Variants in TNXB observed in about 807,000 individuals in gnomAD.
TNXB encodes the protein tenascin-X.
Under a neutral mutation model 340.5 loss-of-function variants are expected in TNXB, and 183 were observed. The observed-to-expected ratio is 0.54, with a 90% CI of 0.48 to 0.61. The LOEUF is 0.61. TNXB is among the 20% of genes least tolerant of loss of function. The probability of loss-of-function intolerance (pLI) is 0.00; values close to 1 mark genes in which losing one functional copy is unlikely to be tolerated. For missense variants in TNXB, 4,613 were observed against 5,446.4 expected (o/e 0.85, Z 4.82); for synonymous variants, 2,121 against 2,314.5 (o/e 0.92, Z 2.40).
rs1778422272 is a variant in TNXB, at chr6:32,067,180, A to AAAGAAAGAAAGAAAGG, written c.6544+480_6544+481insCCTTTCTTTCTTTCTT. Among the ~76,000 whole-genome samples the AAAGAAAGAAAGAAAGG allele has an allele frequency of 1.3e-5, 2 of 149,980 alleles. No homozygotes were observed. The highest frequency in any genetic ancestry group is 3.0e-5 in the Non-Finnish European group (2 of 67,468). ...GAAAGAAAGAAAGAAAGAAAGAAAG[A>AAAGAAAGAAAGAAAGG]AAGAAAACATTCTAGTGATTCTAGT... is the stretch of plus-strand genomic sequence containing the variant. On this transcript the variant is annotated intron_variant, in intron 18 of 43. Coordinates refer to ENST00000644971, the MANE Select transcript of TNXB (RefSeq NM_001365276.2). The surrounding 1 kb of genome is among the most constrained non-coding windows in gnomAD (Gnocchi z 4.2).
At chr6:32,086,735 C>T (rs531532991) in intron 6 of TNXB, among the ~76,000 whole-genome samples, 1 of 152,302 alleles carries the variant, frequency 6.6e-6, no homozygotes, top group African/African-American at 2.4e-5. Flanking sequence ...GCAGTGGTTT[C>T]ACCTCCCCAA....
Position 32,081,728 on chromosome 6 carries a change from TG to T in TNXB, c.3737-56del. The T allele has an allele frequency of 7.5e-7, 1 of 1,341,754 alleles. No individual in the cohort carries two copies. Among genetic ancestry groups the T allele is most frequent in the East Asian group, 3.1e-5 (1 of 31,876 alleles). 83.1% of individuals were successfully genotyped at this position (1,341,754 alleles called of 1,614,324 possible). On this transcript the variant is annotated intron_variant, in intron 9 of 43. Transcript: ENST00000644971. The surrounding 1 kb of genome is among the most constrained non-coding windows in gnomAD (Gnocchi z 5.1). Reference sequence around the variant, plus strand: ...GAACTGGCAGCCTGGGACTGGGGCTTGGGGTTTCGACGGGATGTCACACCTA... The same window carrying T: ...GAACTGGCAGCCTGGGACTGGGGCTTGGGTTTCGACGGGATGTCACACCTA...
chr6:32,087,386 C>G lies in TNXB; in HGVS notation c.2780-1268G>C, dbSNP rs191791016. On this transcript the variant is annotated intron_variant, in intron 6 of 43. Transcript: ENST00000644971. This position sits in a 1 kb window ranked among gnomAD's most constrained non-coding sequence, Gnocchi z 9.0. ...GTGGTGCCCGGCACAGTCAGCTCACCGCCGGGGCCCTCTGCAGGCGGCTGA... is the reference window on the plus strand; with the variant it reads ...GTGGTGCCCGGCACAGTCAGCTCACGGCCGGGGCCCTCTGCAGGCGGCTGA... 2.8e-5 allele frequency: 13 copies of G among 470,314 alleles called. No homozygotes were observed. The highest frequency in any genetic ancestry group is 4.2e-5 in the Non-Finnish European group (10 of 235,742). The allele number at this position is 470,314 out of a possible 1,614,324, so 29.1% of individuals were successfully genotyped here.
At position 32,094,942 on chromosome 6, in the gene TNXB, A is replaced by G. The variant is rs1455851366; in HGVS notation, c.2358+134T>C. 3 of 691,460 alleles carry G rather than the reference A, an allele frequency of 4.3e-6. No individual in the cohort carries two copies. In the African/African-American group the frequency reaches 5.3e-5, roughly 12 times the overall value. The allele number at this position is 691,460 out of a possible 1,614,324, so 42.8% of individuals were successfully genotyped here. ...TGCCCAGTGTCAAGCAGGCTAAGAA[A>G]GCCTTTACAGCAGCTTCAGGTACCC... On this transcript the variant is annotated intron_variant, in intron 4 of 43. Coordinates refer to ENST00000644971, the MANE Select transcript of TNXB (RefSeq NM_001365276.2).
At position 32,079,139 on chromosome 6, in the gene TNXB, A is replaced by G. The variant is rs1779286231; in HGVS notation, c.4269T>C (p.Ser1423=). 6.2e-7 allele frequency: 1 copy of G among 1,613,350 alleles called. No individual in the cohort carries two copies. The highest frequency in any genetic ancestry group is 8.5e-7 in the Non-Finnish European group (1 of 1,179,738). The change falls in exon 11 of 44, where the codon AGT becomes AGC. Residue 1423 remains serine (S), a synonymous_variant. Coordinates refer to ENST00000644971, the MANE Select transcript of TNXB (RefSeq NM_001365276.2). This position sits in a 1 kb window ranked among gnomAD's most constrained non-coding sequence, Gnocchi z 7.1. ...GCTCTAGGCCTCCCACGGTGACCTC[A>G]CTCTCCTTGCCCCCAACACGCACCG... is the stretch of plus-strand genomic sequence containing the variant. ...PRAVRVGGKE[S]EVTVGGLEPG...
At chr6:32,048,705 G>T in intron 28 of TNXB, 55 bp from the exon 29 acceptor site, 1 of 1,371,328 alleles carries the variant, frequency 7.3e-7, no homozygotes, top group African/African-American at 1.4e-5. Flanking sequence ...GCGCAAGGGA[G>T]GCAGTGCTCT....
chr6:32,079,395 T>C lies in TNXB; in HGVS notation c.4043-30A>G. On this transcript the variant is annotated intron_variant, in intron 10 of 43. Coordinates refer to ENST00000644971, the MANE Select transcript of TNXB (RefSeq NM_001365276.2). This position sits in a 1 kb window ranked among gnomAD's most constrained non-coding sequence, Gnocchi z 7.1. Reference sequence around the variant, plus strand: ...GAGAAGAGATAGAGGCATAAAGGGCTGCTGGCTTTGCTGCTGCTGCCCACA... The same window carrying C: ...GAGAAGAGATAGAGGCATAAAGGGCCGCTGGCTTTGCTGCTGCTGCCCACA... 6.5e-7 allele frequency: 1 copy of C among 1,527,050 alleles called. No individual in the cohort carries two copies. The highest frequency in any genetic ancestry group is 2.3e-5 in the East Asian group (1 of 44,026). The allele number at this position is 1,527,050 out of a possible 1,614,324, so 94.6% of individuals were successfully genotyped here.
intron 19 of TNXB, among the ~76,000 whole-genome samples, chr6:32,063,850 G>A (rs1014462346): frequency 6.6e-6 from 1 of 152,182 alleles, no homozygotes; most frequent in African/African-American, 2.4e-5. Context: ...AAAGAGCCGA[G>A]TTACAGGGTA....
At position 32,064,796 on chromosome 6, in the gene TNXB, GCCCAGTGC is replaced by G. The variant is rs1284132564; in HGVS notation, c.6841+17_6841+24del. On this transcript the variant is annotated intron_variant, in intron 19 of 43. Coordinates refer to ENST00000644971, the MANE Select transcript of TNXB (RefSeq NM_001365276.2). The surrounding 1 kb of genome is among the most constrained non-coding windows in gnomAD (Gnocchi z 5.3). ...GAAACTGAGTCTAGTTCAGGGCAGG[GCCCAGTGC>G]CCTACTGCACACTCACCAGTTAAAC... is the stretch of plus-strand genomic sequence containing the variant. 1.2e-6 allele frequency: 2 copies of G among 1,602,654 alleles called. No individual in the cohort carries two copies. The highest frequency in any genetic ancestry group is 2.7e-5 in the African/African-American group (2 of 74,744).
chr6:32,079,577 C>T lies in TNXB; in HGVS notation c.4043-212G>A, dbSNP rs559306078. The stretch of plus-strand genomic sequence containing the variant: ...GGGGGTGAGGGGTCTCCCTTCGTGT[C>T]TGAGAAAGGAGCTGAGATGGGAAGA... On this transcript the variant is annotated intron_variant, in intron 10 of 43. Transcript: ENST00000644971. The surrounding 1 kb of genome is among the most constrained non-coding windows in gnomAD (Gnocchi z 7.1). 6.6e-6 allele frequency among the ~76,000 whole-genome samples: 1 copy of T among 152,282 alleles called. No homozygotes were observed. Among genetic ancestry groups the T allele is most frequent in the Non-Finnish European group, 1.5e-5 (1 of 68,014 alleles).
Position 32,097,524 on chromosome 6 carries a change from T to G in TNXB, c.404-75A>C. Reference sequence around the variant, plus strand: ...GCTGAGCCTATGTAGTGCTCCTATGTGCAGGCCCCTAGCCAGGCTAGCCTC... The same window carrying G: ...GCTGAGCCTATGTAGTGCTCCTATGGGCAGGCCCCTAGCCAGGCTAGCCTC... On this transcript the variant is annotated intron_variant, in intron 2 of 43. Coordinates refer to ENST00000644971, the MANE Select transcript of TNXB (RefSeq NM_001365276.2). This position sits in a 1 kb window ranked among gnomAD's most constrained non-coding sequence, Gnocchi z 5.9. 6.6e-7 allele frequency: 1 copy of G among 1,506,550 alleles called. No homozygotes were observed. The highest frequency in any genetic ancestry group is 8.9e-7 in the Non-Finnish European group (1 of 1,125,826). 93.3% of individuals were successfully genotyped at this position (1,506,550 alleles called of 1,614,324 possible).
intron 24 of TNXB, 150 bp from the exon 25 acceptor site, chr6:32,053,861 C>T: frequency 2.1e-6 from 2 of 968,600 alleles, no homozygotes; most frequent in Non-Finnish European, 3.0e-6. Context: ...CTCCTGCGGC[C>T]TTTCCTATCC....
chr6:32,043,699 T>C, intron 35 of TNXB, 50 bp downstream of exon 35: 1 of 1,613,122 alleles, frequency 6.2e-7, no homozygotes, highest in Non-Finnish European at 8.5e-7. Context: ...CTCCCACCCA[T>C]GCCGTTTTCT....
chr6:32,088,910 T>G lies in TNXB; in HGVS notation c.2654A>C (p.Glu885Ala). The G allele has an allele frequency of 6.3e-7, 1 of 1,598,174 alleles. No homozygotes were observed. Among genetic ancestry groups the G allele is most frequent in the Non-Finnish European group, 8.5e-7 (1 of 1,172,634 alleles). Residue 885 changes from glutamate to alanine, a missense_variant, in exon 6 of 44, where the codon GAA becomes GCA. Coordinates refer to ENST00000644971, the MANE Select transcript of TNXB (RefSeq NM_001365276.2). ...CGTCCCGTCTGCTTCAGGGGGCACT[T>G]CCAGCCTCACCCTCTGGTTGCCGGC... ...VSAGNQRVRL[E>A]VPPEADGTLL... is the part of the protein sequence containing the mutation.
chr6:32,052,754 C>T lies in TNXB; in HGVS notation c.9031G>A (p.Glu3011Lys). 6.2e-7 allele frequency: 1 copy of T among 1,613,844 alleles called. No homozygotes were observed. Among genetic ancestry groups the T allele is most frequent in the Non-Finnish European group, 8.5e-7 (1 of 1,179,882 alleles). ...TGCATCTTGTATTTGCACCCGGGCT[C>T]CAGGCCCCCCACGGTGACCTCGCTC... is the stretch of plus-strand genomic sequence containing the variant. ...EESEVTVGGL[E>K]PGCKYKMHLY... is the part of the protein sequence containing the mutation. The change falls in exon 26 of 44, where the codon GAG becomes AAG. Residue 3011 changes from glutamate (E) to lysine (K), a missense_variant. Coordinates refer to ENST00000644971, the MANE Select transcript of TNXB (RefSeq NM_001365276.2). This position sits in a 1 kb window ranked among gnomAD's most constrained non-coding sequence, Gnocchi z 4.7.
Position 32,095,880 on chromosome 6 carries a change from C to A in TNXB, c.1973G>T (p.Gly658Val). The A allele has an allele frequency of 6.2e-7, 1 of 1,612,634 alleles. No homozygotes were observed. The highest frequency in any genetic ancestry group is 8.5e-7 in the Non-Finnish European group (1 of 1,179,428). The change falls in exon 3 of 44, where the codon GGA becomes GTA. Residue 658 changes from glycine to valine, a missense_variant. By Grantham distance (109) the Gly-to-Val change is moderately radical. Around this residue, in one of 7 missense-constraint regions of TNXB, gnomAD observed 4,327 missense variants for 4,859.4 expected, o/e 0.89. Transcript: ENST00000644971. ...CACTCCTTGCACACACCGCCCACGT[C>A]CCCGGCAGTCAGCCGGGCACATGCG... ...ATRMCPADCR[G>V]RGRCVQGVCL...
chr6:32,058,250 G>T lies in TNXB; in HGVS notation c.7633C>A (p.Pro2545Thr), dbSNP rs201415015. The T allele has an allele frequency of 6.2e-7, 1 of 1,612,472 alleles. No individual in the cohort carries two copies. The highest frequency in any genetic ancestry group is 1.1e-5 in the South Asian group (1 of 91,080). The stretch of plus-strand genomic sequence containing the variant: ...GTGAAGGAGTCAAAGCGGCCCTGGG[G>T]GACGGTCCAGGAAAGGCTCAGCGAG... ...PDSLSLSWTV[P>T]QGRFDSFTVQ... Residue 2545 changes from proline to threonine, a missense_variant, in exon 22 of 44, where the codon CCC becomes ACC. Transcript: ENST00000644971. The surrounding 1 kb of genome is among the most constrained non-coding windows in gnomAD (Gnocchi z 5.1).
In TNXB at chr6:32,083,996, C is replaced by T. The variant is rs956673760; in HGVS notation, c.3445+417G>A. ...CTTAACTCACTTCTCCAGCTAGTCT[C>T]AGCAGCCACCCGGTTATTTGCAAGA... On this transcript the variant is annotated intron_variant, in intron 8 of 43. Transcript: ENST00000644971. This position sits in a 1 kb window ranked among gnomAD's most constrained non-coding sequence, Gnocchi z 4.6. Among the ~76,000 whole-genome samples, 11 of 152,180 alleles carry T rather than the reference C, an allele frequency of 7.2e-5. No homozygotes were observed. The highest frequency in any genetic ancestry group is 2.7e-4 in the African/African-American group (11 of 41,448).
chr6:32,097,357 T>C lies in TNXB; in HGVS notation c.496A>G (p.Thr166Ala). ...TCAGCATCTGTGGGGTCTGAGCAGG[T>C]GGGCCCACCCCAGCCTGGCTCACAG... ...CSCEPGWGGP[T>A]CSDPTDAEIP... The change falls in exon 3 of 44, where the codon ACC becomes GCC. Residue 166 changes from threonine to alanine, a missense_variant. By Grantham distance (58) the Thr-to-Ala change is moderately conservative. Transcript: ENST00000644971. This position sits in a 1 kb window ranked among gnomAD's most constrained non-coding sequence, Gnocchi z 5.9. 2 of 1,612,990 alleles carry C rather than the reference T, an allele frequency of 1.2e-6. No individual in the cohort carries two copies. Among genetic ancestry groups the C allele is most frequent in the Non-Finnish European group, 1.7e-6 (2 of 1,179,856 alleles).
Sources: allele counts gnomAD v4.1 joint callset (sites outside exome capture counted in the v4.1 genomes callset), GRCh38; gene constraint gnomAD v4.1.1; regional missense constraint gnomAD v4.1.1; non-coding constraint Gnocchi (gnomAD v3.1); transcripts MANE v1.5; gene names NCBI Gene and HGNC (gene_info 2026-07-23, HGNC 2026-07-21).